CCDC138: variants seen among roughly 807,000 people sequenced by gnomAD.
The protein encoded by CCDC138 is coiled-coil domain containing 138, also known as coiled-coil domain-containing protein 138.
In CCDC138, 66 loss-of-function variants were observed where a neutral mutation model predicts 82.3. The observed-to-expected ratio is 0.80, with a 90% confidence interval of 0.66 to 0.98. CCDC138 has a LOEUF of 0.98. Among genes scored for constraint, CCDC138 ranks in the 50% least tolerant of loss-of-function variants. CCDC138 has a pLI of 0.00. For synonymous variants in CCDC138, 297 were observed against 265.4 expected (o/e 1.12, Z -1.16); for missense variants, 816 against 758.9 (o/e 1.08, Z -0.88).
intron 10 of CCDC138, among the ~76,000 whole-genome samples, chr2:108,831,960 T>G (rs1031670122): frequency 6.6e-6 from 1 of 152,146 alleles, no homozygotes; most frequent in Non-Finnish European, 1.5e-5. Context: ...CTTGAACTTC[T>G]GACCTCAGGT....
chr2:108,841,194 G>C (rs575888496), intron 11 of CCDC138, among the ~76,000 whole-genome samples: 1 of 152,170 alleles, frequency 6.6e-6, no homozygotes, highest in South Asian at 2.1e-4. Flanking sequence ...TTCTAGTTTA[G>C]TTGTATTGTT....
intron 6 of CCDC138, among the ~76,000 whole-genome samples, chr2:108,802,943 C>T (rs894882109): frequency 7.9e-5 from 12 of 152,150 alleles, no homozygotes; most frequent in Middle Eastern, 3.4e-3. Context: ...TATTGATTTG[C>T]GTATATTGAA....
At chr2:108,881,810 G>A (rs1696299189) in intron 1 of CCDC138, among the ~76,000 whole-genome samples, 1 of 152,160 alleles carries the variant, frequency 6.6e-6, no homozygotes, top group Admixed American at 6.5e-5. Flanking sequence ...TCTTACATGG[G>A]TGTGGTTCTT....
intron 10 of CCDC138, among the ~76,000 whole-genome samples, chr2:108,822,118 A>G (rs1222707221): frequency 6.6e-6 from 1 of 152,134 alleles, no homozygotes; most frequent in East Asian, 1.9e-4. Context: ...ATGGAAAAAG[A>G]CAATCCTTGT....
At chr2:108,872,019 A>G (rs1206733453) in intron 13 of CCDC138, among the ~76,000 whole-genome samples, 1 of 152,070 alleles carries the variant, frequency 6.6e-6, no homozygotes, top group African/African-American at 2.4e-5. Context: ...ACTTTGCCCT[A>G]CTTCCTTCCA....
intron 6 of CCDC138, among the ~76,000 whole-genome samples, chr2:108,800,177 T>C (rs1681663030): frequency 6.6e-6 from 1 of 152,212 alleles, no homozygotes; most frequent in Admixed American, 6.5e-5. Context: ...TTCTGGTTAA[T>C]GCATAGATTT....
chr2:108,794,921 C>T (rs955478587), intron 5 of CCDC138, among the ~76,000 whole-genome samples, 200 bp downstream of exon 5: 5 of 151,968 alleles, frequency 3.3e-5, no homozygotes, highest in Non-Finnish European at 4.4e-5. Context: ...GAGACAGTGG[C>T]GTTTTTATTT....
intron 13 of CCDC138, among the ~76,000 whole-genome samples, chr2:108,866,132 T>G (rs1217650010): frequency 6.6e-6 from 1 of 152,166 alleles, no homozygotes; most frequent in Non-Finnish European, 1.5e-5. Flanking sequence ...GTTTCTGGAT[T>G]TCACAGAAAG....
At chr2:108,848,546 A>G (rs915752216) in intron 12 of CCDC138, among the ~76,000 whole-genome samples, 1 of 152,236 alleles carries the variant, frequency 6.6e-6, no homozygotes, top group Admixed American at 6.5e-5. Context: ...CTTCCTGCCT[A>G]TGAAGACGAA....
At chr2:108,851,951 G>A (rs1193502921) in intron 12 of CCDC138, among the ~76,000 whole-genome samples, 1 of 152,138 alleles carries the variant, frequency 6.6e-6, no homozygotes, top group Non-Finnish European at 1.5e-5. Context: ...GATACAATCT[G>A]CATTTGACAG....
At chr2:108,878,787 A>G (rs1484569768), downstream of CCDC138, among the ~76,000 whole-genome samples, 1 of 152,166 alleles carries the variant, frequency 6.6e-6, no homozygotes, top group Non-Finnish European at 1.5e-5. Flanking sequence ...ATGAAAGAGG[A>G]GCTGTTAACT....
intron 9 of CCDC138, among the ~76,000 whole-genome samples, chr2:108,814,414 A>G (rs982381453): frequency 6.6e-6 from 1 of 152,154 alleles, no homozygotes; most frequent in Non-Finnish European, 1.5e-5. Flanking sequence ...TTGAAAAGGT[A>G]CAGACTTTAT....
chr2:108,881,111 TC>T (rs1277462755), downstream of CCDC138, among the ~76,000 whole-genome samples: 1 of 152,218 alleles, frequency 6.6e-6, no homozygotes, highest in Admixed American at 6.5e-5. Context: ...GGCATGGTCT[TC>T]CAATAGAAGG....
At chr2:108,860,169 G>A (rs1486021352) in intron 13 of CCDC138, among the ~76,000 whole-genome samples, 1 of 151,788 alleles carries the variant, frequency 6.6e-6, no homozygotes, top group Non-Finnish European at 1.5e-5. Context: ...TTTGATGTAA[G>A]CTACTGATTT....
chr2:108,786,766 G>T (rs896403515), upstream of CCDC138: 7 of 1,486,220 alleles, frequency 4.7e-6, no homozygotes, highest in South Asian at 6.0e-5. Context: ...CGGCCGCGTA[G>T]CGCCGCGGGT....
intron 7 of CCDC138, among the ~76,000 whole-genome samples, chr2:108,806,592 C>T (rs1682913718): frequency 6.6e-6 from 1 of 152,138 alleles, no homozygotes. Context: ...TGACCCAGCT[C>T]TGCCATCGTA....
intron 13 of CCDC138, among the ~76,000 whole-genome samples, chr2:108,872,033 A>G (rs1031459822): frequency 6.6e-6 from 1 of 152,138 alleles, no homozygotes; most frequent in Non-Finnish European, 1.5e-5. Flanking sequence ...CCTTCCACCA[A>G]TTTAAAGAGG....
At chr2:108,861,472 CTTTTTTTTTTTTTT>C (rs201132350) in intron 13 of CCDC138, among the ~76,000 whole-genome samples, 96,855 of 124,626 alleles carry the variant, frequency 0.78, 37,318 homozygotes, top group East Asian at 0.91. Context: ...AACTTTCTTC[CTTTTTTTTTTTTTT>C]TTTTTTTTTT....
intron 7 of CCDC138, among the ~76,000 whole-genome samples, chr2:108,805,463 C>T (rs2378215): frequency 0.021 from 3,188 of 152,100 alleles, 105 homozygotes; most frequent in African/African-American, 0.073. Context: ...CGGTGGCTCA[C>T]GCCTGTAATC....
Sources: gnomAD v4.1 joint callset for allele counts (sites outside exome capture counted in the v4.1 genomes callset) on GRCh38, gnomAD v4.1.1 for gene constraint, MANE v1.5 for transcripts, NCBI Gene and HGNC (gene_info 2026-07-23, HGNC 2026-07-21) for gene names.